Variants in ARSB observed in about 807,000 individuals in gnomAD.
The protein encoded by ARSB is N-acetylgalactosamine-4-sulfatase.
A neutral mutation model predicts 50.9 loss-of-function variants in ARSB; 41 were observed. That is an observed-to-expected ratio of 0.81 (90% CI 0.63 to 1.04). The LOEUF (loss-of-function observed/expected upper bound fraction) is 1.04. Ranked by LOEUF, ARSB falls within the 50% of genes least tolerant of loss-of-function variation. The pLI, the probability that ARSB is intolerant of heterozygous loss-of-function variation, is 0.00. For missense variants in ARSB, 672 were observed against 693.3 expected, an observed-to-expected ratio of 0.97 and a Z score of 0.35; for synonymous variants, 269 against 284.8, an observed-to-expected ratio of 0.94 and a Z score of 0.56.
intron 4 of ARSB, among the ~76,000 whole-genome samples, chr5:78,891,066 T>C (rs1254456858): frequency 6.6e-6 from 1 of 152,234 alleles, no homozygotes; most frequent in East Asian, 1.9e-4. Flanking sequence ...TTCTTAATGT[T>C]TTTATTTCCA....
At chr5:78,921,560 T>C (rs934172914) in intron 4 of ARSB, among the ~76,000 whole-genome samples, 1 of 152,244 alleles carries the variant, frequency 6.6e-6, no homozygotes, top group Non-Finnish European at 1.5e-5. Context: ...TTTAGTTTTT[T>C]AATGTGGCTA....
chr5:78,944,324 G>A (rs1300484269), intron 4 of ARSB, among the ~76,000 whole-genome samples: 1 of 152,196 alleles, frequency 6.6e-6, no homozygotes, highest in Non-Finnish European at 1.5e-5. Context: ...CTGGTGAGGA[G>A]CTGCATTCCT....
intron 4 of ARSB, among the ~76,000 whole-genome samples, chr5:78,899,110 CTT>C (rs1193706998): frequency 6.6e-6 from 1 of 152,066 alleles, no homozygotes; most frequent in African/African-American, 2.4e-5. Flanking sequence ...TTTTGTCTCT[CTT>C]TGAGCAATCT....
Position 78,985,017 on chromosome 5 carries a change from C to A in ARSB, c.232G>T (p.Gly78Cys), listed in dbSNP as rs745844500. The A allele has an allele frequency of 2.6e-6, 4 of 1,539,750 alleles. No individual in the cohort carries two copies. The highest frequency in any genetic ancestry group is 2.6e-6 in the Non-Finnish European group (3 of 1,145,722). The change falls in exon 1 of 8, where the codon GGC becomes TGC. Residue 78 changes from glycine to cysteine, a missense_variant. Transcript: ENST00000264914. The part of the protein sequence containing the change: ...RTPHLDALAA[G>C]GVLLDNYYTQ... Reference sequence around the variant, plus strand: ...TAGTAGTTGTCCAGGAGCACCCCGCCGGCCGCCAGCGCGTCCAGGTGCGGC... The same window carrying A: ...TAGTAGTTGTCCAGGAGCACCCCGCAGGCCGCCAGCGCGTCCAGGTGCGGC...
At chr5:78,947,755 C>T (rs1197635992) in intron 4 of ARSB, among the ~76,000 whole-genome samples, 1 of 152,134 alleles carries the variant, frequency 6.6e-6, no homozygotes, top group Non-Finnish European at 1.5e-5. Flanking sequence ...ACAAAACTAC[C>T]ACATGATCCA....
chr5:78,936,295 T>G (rs1750597187), intron 4 of ARSB, among the ~76,000 whole-genome samples: 1 of 151,304 alleles, frequency 6.6e-6, no homozygotes, highest in Admixed American at 6.6e-5. Flanking sequence ...GGGTTATTTT[T>G]GTATTTTTAG....
chr5:78,927,999 A>G (rs887221560), intron 4 of ARSB, among the ~76,000 whole-genome samples: 3 of 152,192 alleles, frequency 2.0e-5, no homozygotes, highest in Non-Finnish European at 2.9e-5. Context: ...CATTCTTAGG[A>G]GTGCAGACTC....
Position 78,817,713 on chromosome 5 carries a change from G to A in ARSB, c.1213+21643C>T, listed in dbSNP as rs375407296. Reference sequence around the variant, plus strand: ...ACTCCCAGCTACTCAGGAGGCTGAGGCAGGAGAATCTCCTGAACCTGGGAG... The same window carrying A: ...ACTCCCAGCTACTCAGGAGGCTGAGACAGGAGAATCTCCTGAACCTGGGAG... On this transcript the variant is annotated intron_variant, in intron 6 of 7. Transcript: ENST00000264914. 8.5e-5 allele frequency among the ~76,000 whole-genome samples: 13 copies of A among 152,246 alleles called. No homozygotes were observed. The East Asian group carries it at 1.4e-3, about 16-fold the overall frequency.
At chr5:78,940,144 T>C (rs1750836817) in intron 4 of ARSB, among the ~76,000 whole-genome samples, 1 of 152,242 alleles carries the variant, frequency 6.6e-6, no homozygotes, top group Non-Finnish European at 1.5e-5. Flanking sequence ...TTTTTTCTTG[T>C]AAATTTGTTT....
chr5:78,873,498 A>ATT lies in ARSB; in HGVS notation c.1142+12084_1142+12085dup, dbSNP rs71001133. 5.4e-5 allele frequency among the ~76,000 whole-genome samples: 5 copies of ATT among 93,210 alleles called. No individual in the cohort carries two copies. In the South Asian group the frequency reaches 1.2e-3, roughly 23 times the overall value. 61.1% of individuals were successfully genotyped at this position (93,210 alleles called of 152,430 possible). A position where few individuals can be genotyped will look rare whatever the true frequency, so the allele number is the denominator to read the frequency against. ...GTAGAATATAATATTTAAAACTGTAATTTTTTTTTTTTTTTGAGACGGAGT... is the reference window on the plus strand; with the variant it reads ...GTAGAATATAATATTTAAAACTGTAATTTTTTTTTTTTTTTTTGAGACGGAGT... On this transcript the variant is annotated intron_variant, in intron 5 of 7. Coordinates refer to ENST00000264914, the MANE Select transcript of ARSB (RefSeq NM_000046.5).
At chr5:78,850,260 T>C (rs1158193644) in intron 5 of ARSB, among the ~76,000 whole-genome samples, 1 of 152,270 alleles carries the variant, frequency 6.6e-6, no homozygotes, top group Non-Finnish European at 1.5e-5. Flanking sequence ...TGAGAGTTTT[T>C]AGCATGAAGT....
intron 4 of ARSB, among the ~76,000 whole-genome samples, chr5:78,887,098 T>A (rs1159842806): frequency 6.6e-6 from 1 of 152,216 alleles, no homozygotes; most frequent in Non-Finnish European, 1.5e-5. Context: ...CTAATTGATT[T>A]AGTCCATTTT....
intron 4 of ARSB, among the ~76,000 whole-genome samples, chr5:78,928,305 CTTTTTT>C (rs34737292): frequency 1.5e-4 from 11 of 72,572 alleles, no homozygotes; most frequent in Non-Finnish European, 2.3e-4. Context: ...TTTGCTTTTG[CTTTTTT>C]TTTTTTTTTT....
intron 4 of ARSB, among the ~76,000 whole-genome samples, chr5:78,917,168 C>T (rs1038183080): frequency 3.7e-4 from 57 of 152,290 alleles, no homozygotes; most frequent in African/African-American, 1.3e-3. Flanking sequence ...GCAGAGGAAG[C>T]TCAAGTTCAA....
intron 3 of ARSB, among the ~76,000 whole-genome samples, chr5:78,959,232 T>G (rs1420458933): frequency 6.6e-6 from 1 of 152,156 alleles, no homozygotes; most frequent in Non-Finnish European, 1.5e-5. Flanking sequence ...AAGAAAGACT[T>G]GTTTGCTTCC....
intron 5 of ARSB, among the ~76,000 whole-genome samples, chr5:78,877,270 A>G (rs906425938): frequency 2.6e-5 from 4 of 152,262 alleles, no homozygotes; most frequent in African/African-American, 7.2e-5. Flanking sequence ...AATTAGCTGT[A>G]GACTGAGCAC....
chr5:78,960,629 G>A (rs1414459238), intron 3 of ARSB, among the ~76,000 whole-genome samples: 2 of 152,104 alleles, frequency 1.3e-5, no homozygotes, highest in African/African-American at 2.4e-5. Context: ...TCAGTGGCAC[G>A]AGCTTGGCTC....
intron 6 of ARSB, among the ~76,000 whole-genome samples, chr5:78,811,439 T>C (rs1743801807): frequency 6.6e-6 from 1 of 152,138 alleles, no homozygotes; most frequent in Non-Finnish European, 1.5e-5. Flanking sequence ...CTGAAATTCA[T>C]CACAGGAGGC....
intron 6 of ARSB, among the ~76,000 whole-genome samples, chr5:78,795,623 T>A (rs533253478): frequency 6.6e-6 from 1 of 152,204 alleles, no homozygotes; most frequent in South Asian, 2.1e-4. Flanking sequence ...TTACTTAGAA[T>A]CCTGTCTGTC....
Sources: allele counts gnomAD v4.1 joint callset (sites outside exome capture counted in the v4.1 genomes callset), GRCh38; gene constraint gnomAD v4.1.1; transcripts MANE v1.5; gene names NCBI Gene and HGNC (gene_info 2026-07-23, HGNC 2026-07-21).